The following LMX1A variants were observed in gnomAD, a reference collection of about 807,000 sequenced individuals.
LMX1A encodes the protein LIM homeobox transcription factor 1-alpha.
In LMX1A, 15 loss-of-function variants were observed where a neutral mutation model predicts 49.1. The observed-to-expected ratio is 0.31, with a 90% confidence interval of 0.20 to 0.47. The LOEUF is 0.47. LMX1A is among the 20% of genes least tolerant of loss of function. The pLI, the probability that LMX1A is intolerant of heterozygous loss-of-function variation, is 1.00. For synonymous variants in LMX1A, 167 were observed against 185.7 expected (o/e 0.90, Z 0.82); for missense variants, 372 against 475.8 (o/e 0.78, Z 2.03).
intron 3 of LMX1A, among the ~76,000 whole-genome samples, chr1:165,282,061 C>A (rs1324822335): frequency 1.3e-5 from 2 of 152,190 alleles, no homozygotes; most frequent in Admixed American, 1.3e-4. Flanking sequence ...AGACCACAGC[C>A]TTGCCACTCT....
intron 3 of LMX1A, 151 bp from the exon 4 acceptor site, chr1:165,249,791 T>C (rs1444058656): frequency 1.5e-6 from 1 of 647,902 alleles, no homozygotes; most frequent in African/African-American, 1.8e-5. Context: ...ATTTATTCCC[T>C]AAGGAGATTG....
At chr1:165,350,457 G>T (rs984696429) in intron 3 of LMX1A, among the ~76,000 whole-genome samples, 1 of 152,088 alleles carries the variant, frequency 6.6e-6, no homozygotes, top group African/African-American at 2.4e-5. Flanking sequence ...TTTTCTCATT[G>T]TCCTCTCCTC....
chr1:165,353,916 C>A (rs1656512310), intron 2 of LMX1A, among the ~76,000 whole-genome samples: 1 of 152,152 alleles, frequency 6.6e-6, no homozygotes, highest in South Asian at 2.1e-4. Flanking sequence ...AAAAAAATAG[C>A]GGAAGAAGCA....
intron 4 of LMX1A, among the ~76,000 whole-genome samples, chr1:165,216,442 A>G (rs1197456137): frequency 6.6e-6 from 1 of 152,182 alleles, no homozygotes; most frequent in Non-Finnish European, 1.5e-5. Flanking sequence ...AGCACTAGTG[A>G]TGACTTCAGT....
At chr1:165,249,367 T>A (rs374366501) in intron 4 of LMX1A, 41 bp downstream of exon 4, 1 of 1,446,316 alleles carries the variant, frequency 6.9e-7, no homozygotes, top group Non-Finnish European at 9.7e-7. Flanking sequence ...AACTCCACTC[T>A]ACCCACCCCA....
intron 4 of LMX1A, among the ~76,000 whole-genome samples, chr1:165,221,634 G>A (rs1384668893): frequency 6.6e-6 from 1 of 152,148 alleles, no homozygotes; most frequent in Non-Finnish European, 1.5e-5. Context: ...CAGAGGCAGG[G>A]CACTTCAGCT....
At chr1:165,316,183 T>C (rs932936701) in intron 3 of LMX1A, among the ~76,000 whole-genome samples, 1 of 152,176 alleles carries the variant, frequency 6.6e-6, no homozygotes, top group Non-Finnish European at 1.5e-5. Context: ...ATTCTGTCTT[T>C]ATGTATGTGC....
chr1:165,317,414 G>A (rs913649822), intron 3 of LMX1A, among the ~76,000 whole-genome samples: 1 of 152,102 alleles, frequency 6.6e-6, no homozygotes, highest in African/African-American at 2.4e-5. Context: ...TAGGATTTTG[G>A]ACTTCAGAAT....
chr1:165,331,449 ATTTAAATTT>A (rs1655739279), intron 3 of LMX1A, among the ~76,000 whole-genome samples: 1 of 152,214 alleles, frequency 6.6e-6, no homozygotes, highest in South Asian at 2.1e-4. Flanking sequence ...TTTTTAATTC[ATTTAAATTT>A]AAATGAGCAA....
At chr1:165,256,394 A>G (rs1320060939) in intron 3 of LMX1A, among the ~76,000 whole-genome samples, 1 of 152,120 alleles carries the variant, frequency 6.6e-6, no homozygotes, top group East Asian at 1.9e-4. Context: ...CAGAGTTGTC[A>G]AGAACTTAGA....
rs201850414 is a variant in LMX1A at position 165,231,291 on chromosome 1, GT to G, written c.497-17479del. On this transcript the variant is annotated intron_variant, in intron 4 of 8. Coordinates refer to ENST00000342310, the MANE Select transcript of LMX1A (RefSeq NM_177398.4). ...AAAACAAATCTTAGAAACTGGCTTA[GT>G]TTTTTTTTTTTTATTATTTTTATTT... is the stretch of plus-strand genomic sequence containing the variant. Among the ~76,000 whole-genome samples, 386 of 142,074 alleles carry G rather than the reference GT, an allele frequency of 2.7e-3. 1 individual carries two copies. The highest frequency in any genetic ancestry group is 0.01 in the East Asian group (48 of 4,762). 93.2% of individuals were successfully genotyped at this position (142,074 alleles called of 152,430 possible). A position where few individuals can be genotyped will look rare whatever the true frequency, so the allele number is the denominator to read the frequency against.
At chr1:165,348,898 C>T (rs1442053232) in intron 3 of LMX1A, among the ~76,000 whole-genome samples, 1 of 152,138 alleles carries the variant, frequency 6.6e-6, no homozygotes, top group Non-Finnish European at 1.5e-5. Context: ...TTTTTCAGTC[C>T]CTTTCTTTGG....
intron 3 of LMX1A, among the ~76,000 whole-genome samples, chr1:165,270,482 T>C (rs1484449513): frequency 2.0e-5 from 3 of 152,154 alleles, no homozygotes. Context: ...GGCCAAGTTA[T>C]ATGTTCAGAC....
chr1:165,279,985 C>T (rs932603950), intron 3 of LMX1A, among the ~76,000 whole-genome samples: 1 of 151,980 alleles, frequency 6.6e-6, no homozygotes, highest in Non-Finnish European at 1.5e-5. Context: ...TACCAGAGAG[C>T]CTGCAGCCCT....
intron 4 of LMX1A, among the ~76,000 whole-genome samples, chr1:165,214,061 C>T (rs552804669): frequency 6.6e-6 from 1 of 152,324 alleles, no homozygotes; most frequent in South Asian, 2.1e-4. Flanking sequence ...TATCCTGGCT[C>T]CGCATTTACT....
At chr1:165,292,516 G>T (rs933992407) in intron 3 of LMX1A, among the ~76,000 whole-genome samples, 1 of 152,190 alleles carries the variant, frequency 6.6e-6, no homozygotes, top group African/African-American at 2.4e-5. Flanking sequence ...GCTTCCAACC[G>T]GGAGGGTCAC....
At chr1:165,248,750 T>C (rs887871700) in intron 4 of LMX1A, among the ~76,000 whole-genome samples, 1 of 152,208 alleles carries the variant, frequency 6.6e-6, no homozygotes, top group Non-Finnish European at 1.5e-5. Flanking sequence ...TCAGTGATTG[T>C]GGTAGACTGA....
At position 165,206,137 on chromosome 1, in the gene LMX1A, G is replaced by A. The variant is rs4656435; in HGVS notation, c.818-103C>T. On this transcript the variant is annotated intron_variant, in intron 7 of 8. Coordinates refer to ENST00000342310, the MANE Select transcript of LMX1A (RefSeq NM_177398.4). Reference sequence around the variant, plus strand: ...TTTATAAAATAAAATGGGATGAGGTGACATCAGTGGTCCCAGCCTTTGTCC... The same window carrying A: ...TTTATAAAATAAAATGGGATGAGGTAACATCAGTGGTCCCAGCCTTTGTCC... The A allele has an allele frequency of 0.62, 682,451 of 1,100,484 alleles. 216,847 individuals carry two copies. Among genetic ancestry groups the A allele is most frequent in the Non-Finnish European group, 0.67 (517,905 of 775,898 alleles). 68.2% of individuals were successfully genotyped at this position (1,100,484 alleles called of 1,614,324 possible). A position where few individuals can be genotyped will look rare whatever the true frequency, so the allele number is the denominator to read the frequency against.
intron 4 of LMX1A, among the ~76,000 whole-genome samples, chr1:165,222,425 A>G (rs181940703): frequency 1.3e-5 from 2 of 152,332 alleles, no homozygotes; most frequent in Admixed American, 1.3e-4. Flanking sequence ...ACTTAAGTGG[A>G]TCGAATACCA....
Sources: gnomAD v4.1 joint callset for allele counts (sites outside exome capture counted in the v4.1 genomes callset) on GRCh38, gnomAD v4.1.1 for gene constraint, MANE v1.5 for transcripts, NCBI Gene and HGNC (gene_info 2026-07-23, HGNC 2026-07-21) for gene names.